Variants in RNF24 observed in about 807,000 individuals in gnomAD.
The protein encoded by RNF24 is ring finger protein 24.
In RNF24, 14 loss-of-function variants were observed where a neutral mutation model predicts 20.0. The ratio of observed to expected loss-of-function variants is 0.70; its 90% CI spans 0.46 to 1.10. RNF24 has a LOEUF of 1.10. Ranked by LOEUF, RNF24 falls within the 50% of genes least tolerant of loss-of-function variation. RNF24 has a pLI of 0.00. For missense variants in RNF24, 124 were observed against 177.6 expected (o/e 0.70, Z 1.71); for synonymous variants, 45 against 61.1 (o/e 0.74, Z 1.23).
chr20:3,968,203 G>A (rs368676296), intron 1 of RNF24, among the ~76,000 whole-genome samples: 92 of 152,224 alleles, frequency 6.0e-4, no homozygotes, highest in Middle Eastern at 6.8e-3. Flanking sequence ...TTCTCAGGAA[G>A]CTGAGGCAGA....
chr20:4,014,152 C>A (rs770107230), intron 1 of RNF24, among the ~76,000 whole-genome samples: 7 of 152,196 alleles, frequency 4.6e-5, no homozygotes, highest in Non-Finnish European at 8.8e-5. Context: ...GTAAGAGGAG[C>A]CATTGAGCTG....
rs9917441 is a variant in RNF24 at position 3,940,253 on chromosome 20, C to T, written c.228+4924G>A. Among the ~76,000 whole-genome samples, 1,301 of 152,036 alleles carry T rather than the reference C, an allele frequency of 8.6e-3. 26 individuals carry two copies. The highest frequency in any genetic ancestry group is 0.065 in the South Asian group (315 of 4,816). On this transcript the variant is annotated intron_variant, in intron 4 of 5. Coordinates refer to ENST00000358395, the MANE Select transcript of RNF24 (RefSeq NM_001134337.3). ...GATTATAGCTGTGAGCCACCATGTG[C>T]GGCTGAATGAAAATTTTAGAACTCA...
chr20:4,003,220 C>T (rs370519424), intron 1 of RNF24, among the ~76,000 whole-genome samples: 190 of 152,320 alleles, frequency 1.2e-3, no homozygotes, highest in African/African-American at 4.3e-3. Flanking sequence ...CTACCCACCT[C>T]GGCCTACCAA....
Position 3,932,845 on chromosome 20 carries a change from G to T in RNF24, c.*1218C>A, listed in dbSNP as rs1377698192. On this transcript the variant is annotated 3_prime_UTR_variant, in exon 6 of 6. Transcript: ENST00000358395. The stretch of plus-strand genomic sequence containing the variant: ...CTTAATGGACTTTGAGTCATTTCTA[G>T]AAAAGTTGGACAGAAAGAGCCAAAG... 7.5e-6 allele frequency: 3 copies of T among 398,108 alleles called. No individual in the cohort carries two copies. Among genetic ancestry groups the T allele is most frequent in the African/African-American group, 6.2e-5 (3 of 48,618 alleles). 24.7% of individuals were successfully genotyped at this position (398,108 alleles called of 1,614,324 possible). A position where few individuals can be genotyped will look rare whatever the true frequency, so the allele number is the denominator to read the frequency against.
At chr20:3,978,250 C>A (rs865791151) in intron 1 of RNF24, among the ~76,000 whole-genome samples, 4 of 152,000 alleles carry the variant, frequency 2.6e-5, no homozygotes, top group Admixed American at 1.3e-4. Flanking sequence ...GTTGGCCAGG[C>A]CGGTCTTGAA....
intron 4 of RNF24, among the ~76,000 whole-genome samples, chr20:3,938,238 T>A (rs1163353622): frequency 6.6e-6 from 1 of 152,250 alleles, no homozygotes; most frequent in Non-Finnish European, 1.5e-5. Context: ...GCCTATTAAG[T>A]CCTTTGTCAA....
intron 4 of RNF24, among the ~76,000 whole-genome samples, chr20:3,936,006 GC>G (rs777668808): frequency 1.3e-5 from 2 of 152,138 alleles, no homozygotes; most frequent in African/African-American, 2.4e-5. Context: ...ACCATTTCTA[GC>G]CTGGACTGTT....
At chr20:4,013,849 A>G (rs965276490) in intron 1 of RNF24, among the ~76,000 whole-genome samples, 47 of 152,240 alleles carry the variant, frequency 3.1e-4, no homozygotes, top group African/African-American at 1.1e-3. Flanking sequence ...AACACCCTGT[A>G]AAAGTATATG....
At position 3,963,922 on chromosome 20, in the gene RNF24, A is replaced by G; in HGVS notation, c.96T>C (p.Ala32=). 1 of 1,610,740 alleles carries G rather than the reference A, an allele frequency of 6.2e-7. No individual in the cohort carries two copies. The highest frequency in any genetic ancestry group is 1.1e-5 in the South Asian group (1 of 90,562). The change falls in exon 2 of 6, where the codon GCT becomes GCC. Residue 32 remains alanine (A), a synonymous_variant. Coordinates refer to ENST00000358395, the MANE Select transcript of RNF24 (RefSeq NM_001134337.3). ...GTAAACTAAGGATGAAGACAAATAT[A>G]GCAGTACCAAAAACCACAATATATA... The part of the protein sequence containing the change: ...LNIYIVVFGT[A]IFVFILSLLF...
In RNF24 at chr20:3,931,754, C is replaced by T. The variant is rs2090826209; in HGVS notation, c.*2309G>A. The stretch of plus-strand genomic sequence containing the variant: ...GTGCTGAGAAGGTTGTTAGTGGTCC[C>T]TCATCTGGGCAAAGCAGACCCAAGG... On this transcript the variant is annotated 3_prime_UTR_variant, in exon 6 of 6. Transcript: ENST00000358395. The T allele has an allele frequency of 6.6e-6, 1 of 152,244 alleles. No individual in the cohort carries two copies. The highest frequency in any genetic ancestry group is 2.4e-5 in the African/African-American group (1 of 41,468). The allele number at this position is 152,244 out of a possible 1,614,324, so 9.4% of individuals were successfully genotyped here.
intron 1 of RNF24, among the ~76,000 whole-genome samples, chr20:3,974,104 G>A (rs532705605): frequency 6.7e-6 from 1 of 149,488 alleles, no homozygotes; most frequent in Admixed American, 6.6e-5. Flanking sequence ...ATATTAAATG[G>A]CTAAAGAAGA....
chr20:3,984,777 T>C (rs1034403108), intron 1 of RNF24, among the ~76,000 whole-genome samples: 4 of 152,114 alleles, frequency 2.6e-5, no homozygotes, highest in African/African-American at 9.7e-5. Flanking sequence ...CTTCAGAGGA[T>C]AACTCTTCTT....
chr20:3,975,146 C>A (rs1316209942), intron 1 of RNF24, among the ~76,000 whole-genome samples: 1 of 152,168 alleles, frequency 6.6e-6, no homozygotes, highest in Admixed American at 6.5e-5. Context: ...GCAATCCTTT[C>A]TCAATGGAGA....
Position 3,932,737 on chromosome 20 carries a change from G to A in RNF24, c.*1326C>T. 2.5e-6 allele frequency: 1 copy of A among 395,732 alleles called. No individual in the cohort carries two copies. 24.5% of individuals were successfully genotyped at this position (395,732 alleles called of 1,614,324 possible). On this transcript the variant is annotated 3_prime_UTR_variant, in exon 6 of 6. Coordinates refer to ENST00000358395, the MANE Select transcript of RNF24 (RefSeq NM_001134337.3). ...TGAGGCAGGCGCTCCTAAGATGGAG[G>A]GAGGCGGAGAGCAGGGCTGTGGAAA...
chr20:3,993,911 T>C (rs1419406541), intron 1 of RNF24, among the ~76,000 whole-genome samples: 1 of 152,204 alleles, frequency 6.6e-6, no homozygotes, highest in Non-Finnish European at 1.5e-5. Flanking sequence ...CTTCCCCAAA[T>C]GTTAAAATCT....
rs2146932540 is a variant in RNF24, at chr20:3,932,585, A to G, written c.*1478T>C. On this transcript the variant is annotated 3_prime_UTR_variant, in exon 6 of 6. Coordinates refer to ENST00000358395, the MANE Select transcript of RNF24 (RefSeq NM_001134337.3). ...GATTCCAGAAAAAAATCCTGGAGTC[A>G]TGCCAAGAGCAGAGTAGCAAAGCTC... 1 of 217,122 alleles carries G rather than the reference A, an allele frequency of 4.6e-6. No homozygotes were observed. Among genetic ancestry groups the G allele is most frequent in the African/African-American group, 2.3e-5 (1 of 44,324 alleles). 13.4% of individuals were successfully genotyped at this position (217,122 alleles called of 1,614,324 possible). A position where few individuals can be genotyped will look rare whatever the true frequency, so the allele number is the denominator to read the frequency against.
At chr20:3,969,972 T>C (rs2091298178) in intron 1 of RNF24, among the ~76,000 whole-genome samples, 1 of 152,070 alleles carries the variant, frequency 6.6e-6, no homozygotes, top group African/African-American at 2.4e-5. Context: ...AGTTTCACCA[T>C]GTTGGCCAGC....
At chr20:4,009,354 C>T (rs1982241472) in intron 1 of RNF24, among the ~76,000 whole-genome samples, 1 of 152,094 alleles carries the variant, frequency 6.6e-6, no homozygotes, top group South Asian at 2.1e-4. Flanking sequence ...TATGTGTATG[C>T]TGACATGGAT....
intron 2 of RNF24, among the ~76,000 whole-genome samples, chr20:3,958,701 G>A (rs1299020203): frequency 1.3e-5 from 2 of 152,198 alleles, no homozygotes; most frequent in African/African-American, 4.8e-5. Context: ...GAGTGCAGTG[G>A]CGCAATCTCA....
Sources: gnomAD v4.1 joint callset for allele counts (sites outside exome capture counted in the v4.1 genomes callset) on GRCh38, gnomAD v4.1.1 for gene constraint, MANE v1.5 for transcripts, NCBI Gene and HGNC (gene_info 2026-07-23, HGNC 2026-07-21) for gene names.